Variants in EXPH5 observed in about 807,000 individuals in gnomAD.
The protein encoded by EXPH5 is exophilin-5.
Under a neutral mutation model 41.1 loss-of-function variants are expected in EXPH5, and 42 were observed. The observed-to-expected ratio is 1.02, with a 90% confidence interval of 0.80 to 1.32. The LOEUF (loss-of-function observed/expected upper bound fraction) is 1.32, where lower values mean the gene tolerates loss of function less well. EXPH5 is among the 40% of genes most tolerant of loss of function. The pLI is 0.00. For missense variants in EXPH5, 2,298 were observed against 2,314.5 expected (o/e 0.99, Z 0.15); for synonymous variants, 798 against 833.5 (o/e 0.96, Z 0.73).
intron 1 of EXPH5, among the ~76,000 whole-genome samples, chr11:108,587,223 T>C (rs2094115885): frequency 6.6e-6 from 1 of 152,376 alleles, no homozygotes; most frequent in Middle Eastern, 3.4e-3. Flanking sequence ...GCTGCACCCA[T>C]TAACTCGTCA....
Position 108,509,472 on chromosome 11 carries a change from C to T in EXPH5, c.*65G>A, listed in dbSNP as rs1459479643. 45 of 1,434,812 alleles carry T rather than the reference C, an allele frequency of 3.1e-5. No homozygotes were observed. In the South Asian group the frequency reaches 6.0e-4, roughly 19 times the overall value. The allele number at this position is 1,434,812 out of a possible 1,614,324, so 88.9% of individuals were successfully genotyped here. A position where few individuals can be genotyped will look rare whatever the true frequency, so the allele number is the denominator to read the frequency against. On this transcript the variant is annotated 3_prime_UTR_variant, in exon 6 of 6. Coordinates refer to ENST00000265843, the MANE Select transcript of EXPH5 (RefSeq NM_015065.3). Reference sequence around the variant, plus strand: ...TCTTTTATCCTTCCATGCACATGCACATGTACACCTTAGTTCCATTATAAG... The same window carrying T: ...TCTTTTATCCTTCCATGCACATGCATATGTACACCTTAGTTCCATTATAAG...
At chr11:108,605,314 G>C in the EXPH5 span, among the ~76,000 whole-genome samples, 1 of 152,154 alleles carries the variant, frequency 6.6e-6, no homozygotes, top group Admixed American at 6.5e-5. Context: ...TGCTGGCTTG[G>C]GGTCACAAGT....
At chr11:108,582,221 T>TGG (rs1424045774) in intron 1 of EXPH5, among the ~76,000 whole-genome samples, 1 of 152,118 alleles carries the variant, frequency 6.6e-6, no homozygotes, top group East Asian at 1.9e-4. Flanking sequence ...CCCAGCACTT[T>TGG]GGGAGGCTGG....
In EXPH5 at chr11:108,588,135, T is replaced by A. The variant is rs1410974187; in HGVS notation, c.119+5283A>T. Among the ~76,000 whole-genome samples, 3 of 152,214 alleles carry A rather than the reference T, an allele frequency of 2.0e-5. No homozygotes were observed. In the East Asian group the frequency reaches 5.8e-4, roughly 29 times the overall value. ...CCCTTTAAATGTGATTCCCCAAAGA[T>A]AATCATTTTAACAGTATAAAGTCTT... On this transcript the variant is annotated intron_variant, in intron 1 of 5. Transcript: ENST00000265843.
At chr11:108,591,528 AT>A (rs2094127567) in intron 1 of EXPH5, among the ~76,000 whole-genome samples, 1 of 152,206 alleles carries the variant, frequency 6.6e-6, no homozygotes. Flanking sequence ...TGATTTTTGT[AT>A]TTTAATGGTG....
chr11:108,552,658 G>A (rs890206200), intron 1 of EXPH5, among the ~76,000 whole-genome samples: 9 of 152,234 alleles, frequency 5.9e-5, no homozygotes, highest in African/African-American at 2.2e-4. Flanking sequence ...GCTCATGTCT[G>A]TAATCCCAGA....
chr11:108,585,859 G>A (rs372131573), intron 1 of EXPH5, among the ~76,000 whole-genome samples: 19 of 152,258 alleles, frequency 1.2e-4, no homozygotes, highest in African/African-American at 4.6e-4. Context: ...TGGGTGAAAG[G>A]ATAAACGAAC....
Position 108,512,764 on chromosome 11 carries a change from C to T in EXPH5, c.2743G>A (p.Asp915Asn), listed in dbSNP as rs1359485451. Residue 915 changes from aspartate (D) to asparagine (N), a missense_variant, in exon 6 of 6, where the codon GAT (aspartate) becomes AAT (asparagine). Asp to Asn is a conservative substitution (Grantham distance 23, BLOSUM62 1). Transcript: ENST00000265843. ...TCTTCTCTTTCTCCTAGCGATGGAT[C>T]TTTGTCTGAAGGACTTCTCCTGGAG... ...VFSRRSPSDK[D>N]PSLGEREEKD... 1 of 1,613,836 alleles carries T rather than the reference C, an allele frequency of 6.2e-7. No homozygotes were observed. Among genetic ancestry groups the T allele is most frequent in the South Asian group, 1.1e-5 (1 of 90,990 alleles).
chr11:108,585,635 G>A (rs1336739617), intron 1 of EXPH5, among the ~76,000 whole-genome samples: 1 of 152,198 alleles, frequency 6.6e-6, no homozygotes, highest in South Asian at 2.1e-4. Flanking sequence ...GAATGACAAA[G>A]ACAGAGATTG....
intron 1 of EXPH5, among the ~76,000 whole-genome samples, chr11:108,573,131 GGAAAGAAGGAAAGAAAGAAAGAAAGAAA>G (rs1304765025): frequency 5.8e-5 from 5 of 86,356 alleles, no homozygotes; most frequent in African/African-American, 9.1e-5. Flanking sequence ...AAAGAAGGAA[GGAAAGAAGGAAAGAAAGAAAGAAAGAAA>G]GAAAGAAAGA....
chr11:108,548,438 G>C (rs1281066361), intron 1 of EXPH5, among the ~76,000 whole-genome samples: 1 of 152,118 alleles, frequency 6.6e-6, no homozygotes, highest in Admixed American at 6.5e-5. Context: ...ATACATGAAG[G>C]GGGCAAGATT....
At chr11:108,523,630 G>T (rs1411049409) in intron 4 of EXPH5, among the ~76,000 whole-genome samples, 1 of 152,130 alleles carries the variant, frequency 6.6e-6, no homozygotes. Flanking sequence ...TCAGCATTTT[G>T]GGAGGCCAAG....
chr11:108,597,453 G>A (rs960407022), upstream of EXPH5, among the ~76,000 whole-genome samples: 1 of 152,122 alleles, frequency 6.6e-6, no homozygotes, highest in East Asian at 1.9e-4. Flanking sequence ...TATTAACATA[G>A]TTTGCTTTAT....
At chr11:108,601,544 A>C in the EXPH5 span, among the ~76,000 whole-genome samples, 1 of 152,186 alleles carries the variant, frequency 6.6e-6, no homozygotes, top group African/African-American at 2.4e-5. Flanking sequence ...TAAGTACTGG[A>C]ATCCAATCAA....
At chr11:108,601,502 C>G in the EXPH5 span, among the ~76,000 whole-genome samples, 1 of 152,054 alleles carries the variant, frequency 6.6e-6, no homozygotes, top group South Asian at 2.1e-4. Context: ...ATAACAGATG[C>G]CCTTCTACTT....
At chr11:108,548,928 T>TC (rs1194228022) in intron 1 of EXPH5, among the ~76,000 whole-genome samples, 3 of 152,234 alleles carry the variant, frequency 2.0e-5, no homozygotes, top group Non-Finnish European at 4.4e-5. Flanking sequence ...CAGTACTTTC[T>TC]ATTTCCACTA....
At chr11:108,560,578 G>T (rs544850344) in intron 1 of EXPH5, among the ~76,000 whole-genome samples, 1 of 152,082 alleles carries the variant, frequency 6.6e-6, no homozygotes, top group African/African-American at 2.4e-5. Flanking sequence ...ATTCTGCCTC[G>T]GTGATTCAAA....
Position 108,513,479 on chromosome 11 carries a change from G to T in EXPH5, c.2028C>A (p.Ser676Arg), listed in dbSNP as rs199517627. ...GAGGCAGAGAGTCAACTGAATTGCT[G>T]CTGGTCACAGTGACTTCTGTATGGC... ...MRSHTEVTVT[S>R]SNSVDSLPLA... Residue 676 changes from serine to arginine, a missense_variant, in exon 6 of 6, where the codon AGC (serine) becomes AGA (arginine). Ser to Arg is a moderately radical substitution (Grantham distance 110). Coordinates refer to ENST00000265843, the MANE Select transcript of EXPH5 (RefSeq NM_015065.3). 1.7e-5 allele frequency: 27 copies of T among 1,613,876 alleles called. No individual in the cohort carries two copies. The highest frequency in any genetic ancestry group is 2.3e-5 in the Non-Finnish European group (27 of 1,179,872).
intron 1 of EXPH5, among the ~76,000 whole-genome samples, chr11:108,586,815 C>A (rs1407043168): frequency 2.0e-5 from 3 of 151,626 alleles, no homozygotes; most frequent in East Asian, 3.9e-4. Flanking sequence ...CCTAACACAC[C>A]ATGGAATGAG....
Sources: gnomAD v4.1 joint callset for allele counts (sites outside exome capture counted in the v4.1 genomes callset) on GRCh38, gnomAD v4.1.1 for gene constraint, MANE v1.5 for transcripts, NCBI Gene and HGNC (gene_info 2026-07-23, HGNC 2026-07-21) for gene names.